Variants in TINAG observed in about 807,000 individuals in gnomAD.
TINAG encodes the protein tubulointerstitial nephritis antigen.
In TINAG, 83 loss-of-function variants were observed where a neutral mutation model predicts 72.7. The observed-to-expected ratio is 1.14, with a 90% confidence interval of 0.96 to 1.37. The LOEUF is 1.37. Ranked by LOEUF, TINAG falls within the 40% of genes most tolerant of loss-of-function variation. The pLI, the probability that TINAG is intolerant of heterozygous loss-of-function variation, is 0.00. For missense variants in TINAG, 685 were observed against 576.6 expected (o/e 1.19, Z -1.93); for synonymous variants, 234 against 189.9 (o/e 1.23, Z -1.91).
chr6:54,384,807 A>G (rs1160991019), intron 10 of TINAG, among the ~76,000 whole-genome samples: 2 of 152,228 alleles, frequency 1.3e-5, no homozygotes, highest in Non-Finnish European at 1.5e-5. Context: ...AAATGTATGA[A>G]AGATTGAAAA....
intron 1 of TINAG, among the ~76,000 whole-genome samples, chr6:54,310,021 C>G (rs1290050506): frequency 6.6e-6 from 1 of 151,738 alleles, no homozygotes; most frequent in African/African-American, 2.4e-5. Flanking sequence ...TCCCTTCTTC[C>G]CTCCCTCCAC....
intron 9 of TINAG, among the ~76,000 whole-genome samples, chr6:54,360,120 T>C (rs1052103337): frequency 6.6e-6 from 1 of 151,708 alleles, no homozygotes; most frequent in African/African-American, 2.4e-5. Flanking sequence ...ACATTCGCAA[T>C]TGATTCTAGC....
chr6:54,361,236 CT>C (rs1258019337), intron 9 of TINAG, among the ~76,000 whole-genome samples: 3 of 151,394 alleles, frequency 2.0e-5, no homozygotes, highest in African/African-American at 7.3e-5. Flanking sequence ...CCTATAAAGG[CT>C]TCTAAGGGTT....
At chr6:54,311,342 T>C (rs1784254260) in intron 1 of TINAG, among the ~76,000 whole-genome samples, 1 of 152,170 alleles carries the variant, frequency 6.6e-6, no homozygotes, top group Non-Finnish European at 1.5e-5. Context: ...TACAGCTCTT[T>C]GCTATCATAA....
At position 54,390,069 on chromosome 6, in the gene TINAG, G is replaced by A; in HGVS notation, c.*144G>A. ...ATCTATTTTCTTATTTTCCCCTCTG[G>A]TCTATGCTTCTGCTTCCTTCATATT... On this transcript the variant is annotated 3_prime_UTR_variant, in exon 11 of 11. Coordinates refer to ENST00000259782, the MANE Select transcript of TINAG (RefSeq NM_014464.4). The A allele has an allele frequency of 8.8e-7, 1 of 1,136,560 alleles. No individual in the cohort carries two copies. Among genetic ancestry groups the A allele is most frequent in the Non-Finnish European group, 1.2e-6 (1 of 817,500 alleles). The allele number at this position is 1,136,560 out of a possible 1,614,324, so 70.4% of individuals were successfully genotyped here. A position where few individuals can be genotyped will look rare whatever the true frequency, so the allele number is the denominator to read the frequency against.
intron 9 of TINAG, among the ~76,000 whole-genome samples, chr6:54,363,265 G>A (rs1282377454): frequency 6.6e-6 from 1 of 151,550 alleles, no homozygotes; most frequent in African/African-American, 2.4e-5. Flanking sequence ...AGTAATTGAA[G>A]TTTTTTAAGT....
At chr6:54,343,618 C>T (rs1582722782) in intron 5 of TINAG, among the ~76,000 whole-genome samples, 2 of 150,952 alleles carry the variant, frequency 1.3e-5, no homozygotes, top group South Asian at 4.2e-4. Context: ...ATGTGTTTGT[C>T]TATTCAGAGT....
At chr6:54,360,541 T>C (rs946407015) in intron 9 of TINAG, among the ~76,000 whole-genome samples, 5 of 151,666 alleles carry the variant, frequency 3.3e-5, no homozygotes, top group Non-Finnish European at 7.4e-5. Context: ...CCATGCCCAT[T>C]AGAATTTGCC....
At chr6:54,344,644 T>C (rs961236567) in intron 5 of TINAG, among the ~76,000 whole-genome samples, 6 of 152,146 alleles carry the variant, frequency 3.9e-5, no homozygotes, top group African/African-American at 1.4e-4. Context: ...AAGGAAAACA[T>C]TTGTGGTGAA....
intron 8 of TINAG, among the ~76,000 whole-genome samples, chr6:54,352,522 G>A (rs905743323): frequency 2.0e-5 from 3 of 151,774 alleles, no homozygotes; most frequent in African/African-American, 7.2e-5. Flanking sequence ...TTGGTTATTT[G>A]AAGAGTGAGG....
At position 54,317,418 on chromosome 6, in the gene TINAG, C is replaced by T. The variant is rs536139435; in HGVS notation, c.356-3161C>T. 1.6e-4 allele frequency among the ~76,000 whole-genome samples: 24 copies of T among 152,134 alleles called. No homozygotes were observed. The South Asian group carries it at 5.0e-3, about 32-fold the overall frequency. On this transcript the variant is annotated intron_variant, in intron 1 of 10. Coordinates refer to ENST00000259782, the MANE Select transcript of TINAG (RefSeq NM_014464.4). ...GGGGACAGGTTTTTCCCATGCTGTT[C>T]TTGTAGTAGTGAATGAGTCTCATAA...
intron 9 of TINAG, among the ~76,000 whole-genome samples, chr6:54,375,133 C>T (rs1763742305): frequency 6.6e-6 from 1 of 152,040 alleles, no homozygotes; most frequent in Non-Finnish European, 1.5e-5. Flanking sequence ...ACTCCAGATT[C>T]TTAGATGGTT....
intron 4 of TINAG, among the ~76,000 whole-genome samples, chr6:54,332,157 C>G (rs946432910): frequency 1.3e-5 from 2 of 151,972 alleles, no homozygotes; most frequent in Non-Finnish European, 2.9e-5. Context: ...CCCATATAGC[C>G]AAGACAATCC....
At chr6:54,335,952 G>T (rs906146474) in intron 4 of TINAG, among the ~76,000 whole-genome samples, 2 of 151,900 alleles carry the variant, frequency 1.3e-5, no homozygotes, top group Non-Finnish European at 1.5e-5. Context: ...CATATTGCTT[G>T]GGTAAGAGTT....
At chr6:54,340,323 T>A (rs935833510) in intron 4 of TINAG, among the ~76,000 whole-genome samples, 14 of 152,076 alleles carry the variant, frequency 9.2e-5, no homozygotes, top group African/African-American at 3.4e-4. Context: ...AATTTCTATC[T>A]ACTCAAGCCA....
upstream of TINAG, chr6:54,308,390 A>T: frequency 3.1e-6 from 2 of 653,682 alleles, no homozygotes; most frequent in Non-Finnish European, 5.2e-6. Context: ...ATTCTTGATT[A>T]ATGTTTAACT....
intron 4 of TINAG, among the ~76,000 whole-genome samples, chr6:54,332,555 C>G (rs1003476857): frequency 6.6e-6 from 1 of 151,940 alleles, no homozygotes; most frequent in Non-Finnish European, 1.5e-5. Flanking sequence ...GACATAGGCA[C>G]GGGCAAAGAC....
At chr6:54,332,783 A>C (rs1463988771) in intron 4 of TINAG, among the ~76,000 whole-genome samples, 1 of 152,236 alleles carries the variant, frequency 6.6e-6, no homozygotes, top group Non-Finnish European at 1.5e-5. Context: ...AAAAACAAAC[A>C]ACCCCATCAA....
chr6:54,360,754 C>T (rs575683785), intron 9 of TINAG, among the ~76,000 whole-genome samples: 1 of 150,134 alleles, frequency 6.7e-6, no homozygotes, highest in East Asian at 2.0e-4. Flanking sequence ...TCTTGTCATC[C>T]CTGTTTGTGG....
Sources: gnomAD v4.1 joint callset for allele counts (sites outside exome capture counted in the v4.1 genomes callset) on GRCh38, gnomAD v4.1.1 for gene constraint, MANE v1.5 for transcripts, NCBI Gene and HGNC (gene_info 2026-07-23, HGNC 2026-07-21) for gene names.